Variants in HSPG2 observed in about 807,000 individuals in gnomAD.
HSPG2 encodes the protein basement membrane-specific heparan sulfate proteoglycan core protein.
HSPG2 carries 278 observed loss-of-function variants against 526.6 expected under a neutral mutation model. That is an observed-to-expected ratio of 0.53 (90% confidence interval 0.48 to 0.58). The LOEUF (loss-of-function observed/expected upper bound fraction) is 0.58, where lower values mean the gene tolerates loss of function less well. Ranked by LOEUF, HSPG2 falls within the 20% of genes least tolerant of loss-of-function variation. The pLI is 0.00. For synonymous variants in HSPG2, 2,465 were observed against 2,555.4 expected, an observed-to-expected ratio of 0.96 and a Z score of 1.07; for missense variants, 5,354 against 6,099.5, an observed-to-expected ratio of 0.88 and a Z score of 4.07.
intron 33 of HSPG2, chr1:21,868,861 A>G: frequency 2.3e-6 from 2 of 873,930 alleles, no homozygotes; most frequent in Non-Finnish European, 2.7e-6. Flanking sequence ...TGACACCCCT[A>G]TAATCCCCCC....
At chr1:21,906,226 C>T (rs965000382) in intron 1 of HSPG2, among the ~76,000 whole-genome samples, 1 of 152,242 alleles carries the variant, frequency 6.6e-6, no homozygotes, top group Non-Finnish European at 1.5e-5. Context: ...TGACAAGAGG[C>T]TGCCCATAGT....
chr1:21,876,318 T>C lies in HSPG2; in HGVS notation c.2914A>G (p.Thr972Ala). 1 of 1,613,810 alleles carries C rather than the reference T, an allele frequency of 6.2e-7. No individual in the cohort carries two copies. The highest frequency in any genetic ancestry group is 8.5e-7 in the Non-Finnish European group (1 of 1,179,938). The change falls in exon 23 of 97, where the codon ACG becomes GCG. Residue 972 changes from threonine (T) to alanine (A), a missense_variant. Thr to Ala is a moderately conservative substitution (Grantham distance 58). Coordinates refer to ENST00000374695, the MANE Select transcript of HSPG2 (RefSeq NM_005529.7). ...GAGGAGAATCCCAGTTCCCCGGGCG[T>C]GGGGGAGAAGATGCCCTCGTTGGTG... ...HTTNEGIFSPTPGELGFSSFH... is the reference protein window; with the variant it reads ...HTTNEGIFSPAPGELGFSSFH...
chr1:21,873,363 A>C lies in HSPG2; in HGVS notation c.3793+12T>G. On this transcript the variant is annotated intron_variant, in intron 30 of 96. Transcript: ENST00000374695. ...GTAACCCGACCCCAATGACCTCCCCAATCCTACTCACTCTGGCATGGCTGG... is the reference window on the plus strand; with the variant it reads ...GTAACCCGACCCCAATGACCTCCCCCATCCTACTCACTCTGGCATGGCTGG... The C allele has an allele frequency of 6.2e-7, 1 of 1,614,166 alleles. No individual in the cohort carries two copies. Among genetic ancestry groups the C allele is most frequent in the South Asian group, 1.1e-5 (1 of 91,084 alleles).
chr1:21,885,164 A>G lies in HSPG2; in HGVS notation c.1211-7T>C. ...GTCACCACCTGGGGGGGCACTGAGG[A>G]GACCAGGGCAGGAGTGAGGGGTCGG... On this transcript the variant is annotated splice_region_variant and splice_polypyrimidine_tract_variant and intron_variant, in intron 10 of 96. Coordinates refer to ENST00000374695, the MANE Select transcript of HSPG2 (RefSeq NM_005529.7). 1 of 1,606,292 alleles carries G rather than the reference A, an allele frequency of 6.2e-7. No individual in the cohort carries two copies.
At position 21,874,030 on chromosome 1, in the gene HSPG2, T is replaced by C. The variant is rs1289790929; in HGVS notation, c.3657-19A>G. The stretch of plus-strand genomic sequence containing the variant: ...GGCAGCCCTGAGTGTGGGGGCAGAT[T>C]TCTAGTCAGGAACGCAGTGGCTCCT... On this transcript the variant is annotated intron_variant, in intron 28 of 96. Transcript: ENST00000374695. 8.8e-6 allele frequency: 14 copies of C among 1,585,090 alleles called. No homozygotes were observed. Among genetic ancestry groups the C allele is most frequent in the African/African-American group, 1.3e-5 (1 of 74,538 alleles).
At chr1:21,925,627 C>T (rs943515465) in intron 1 of HSPG2, among the ~76,000 whole-genome samples, 1 of 152,128 alleles carries the variant, frequency 6.6e-6, no homozygotes, top group African/African-American at 2.4e-5. Context: ...AAAAAGACAC[C>T]CGAGTCTGTG....
intron 1 of HSPG2, among the ~76,000 whole-genome samples, chr1:21,918,029 A>G (rs1643929802): frequency 6.6e-6 from 1 of 152,082 alleles, no homozygotes; most frequent in Admixed American, 6.5e-5. Context: ...ATAAACAAAT[A>G]CTTACTATGT....
intron 1 of HSPG2, among the ~76,000 whole-genome samples, chr1:21,931,005 T>A (rs1458633639): frequency 1.3e-5 from 2 of 152,186 alleles, no homozygotes; most frequent in Non-Finnish European, 2.9e-5. Context: ...GAGCTGGTCC[T>A]AAGGCTATCT....
chr1:21,920,530 C>G (rs1220130447), intron 1 of HSPG2, among the ~76,000 whole-genome samples: 1 of 152,204 alleles, frequency 6.6e-6, no homozygotes, highest in Non-Finnish European at 1.5e-5. Context: ...CCAGTGGTTC[C>G]CCCCACATCG....
At chr1:21,922,866 C>T (rs1033603272) in intron 1 of HSPG2, among the ~76,000 whole-genome samples, 2 of 152,162 alleles carry the variant, frequency 1.3e-5, no homozygotes, top group Non-Finnish European at 2.9e-5. Context: ...TCGACCCCTA[C>T]CAGGGAGGTG....
chr1:21,830,141 A>G, intron 85 of HSPG2, 50 bp from the exon 86 acceptor site: 1 of 1,442,794 alleles, frequency 6.9e-7, no homozygotes, highest in South Asian at 1.2e-5. Context: ...CTCTGGAGGG[A>G]GGGGGGTCCT....
rs553813960 is a variant in HSPG2 at position 21,880,249 on chromosome 1, G to C, written c.2201C>G (p.Pro734Arg). 8 of 1,614,184 alleles carry C rather than the reference G, an allele frequency of 5.0e-6. 1 individual carries two copies. The East Asian group carries it at 1.8e-4, about 36-fold the overall frequency. The change falls in exon 17 of 97, where the codon CCC becomes CGC. Residue 734 changes from proline (P) to arginine (R), a missense_variant. Coordinates refer to ENST00000374695, the MANE Select transcript of HSPG2 (RefSeq NM_005529.7). ...GCAGGACAAGCCAGAATAGCCAATG[G>C]GGCATCTGTGGGGACAGGACCAAAA... ...RAHSVEECRC[P>R]IGYSGLSCES...
intron 1 of HSPG2, among the ~76,000 whole-genome samples, chr1:21,896,938 C>T (rs991653375): frequency 2.0e-5 from 3 of 152,146 alleles, no homozygotes; most frequent in East Asian, 1.9e-4. Flanking sequence ...CCCAGCAGCG[C>T]GGAGGCAGAG....
intron 1 of HSPG2, among the ~76,000 whole-genome samples, chr1:21,901,640 A>G (rs1643107534): frequency 6.6e-6 from 1 of 152,024 alleles, no homozygotes; most frequent in Admixed American, 6.5e-5. Flanking sequence ...CAAGCCTGGG[A>G]CTGAGCCCCC....
chr1:21,841,611 G>A lies in HSPG2; in HGVS notation c.9256C>T (p.His3086Tyr), dbSNP rs1557696320. The A allele has an allele frequency of 1.1e-5, 18 of 1,614,162 alleles. No individual in the cohort carries two copies. The highest frequency in any genetic ancestry group is 1.5e-5 in the Non-Finnish European group (18 of 1,180,012). The change falls in exon 70 of 97, where the codon CAC (histidine) becomes TAC (tyrosine). Residue 3086 changes from histidine to tyrosine, a missense_variant. Transcript: ENST00000374695. ...GAGGCCACGCAGCGGTAGGTACCGTGGTTGCTGGGCCGGGTGCCCACGATG... is the reference window on the plus strand; with the variant it reads ...GAGGCCACGCAGCGGTAGGTACCGTAGTTGCTGGGCCGGGTGCCCACGATG... ...ITIVGTRPSNHGTYRCVASNA... is the reference protein window; with the variant it reads ...ITIVGTRPSNYGTYRCVASNA...
intron 1 of HSPG2, among the ~76,000 whole-genome samples, chr1:21,931,379 G>A (rs1454203827): frequency 6.6e-6 from 1 of 152,262 alleles, no homozygotes; most frequent in East Asian, 1.9e-4. Context: ...GGGTGGCAGG[G>A]CCAAAGAGGC....
At chr1:21,833,439 C>T in intron 79 of HSPG2, 28 bp downstream of exon 79, 9 of 1,614,188 alleles carry the variant, frequency 5.6e-6, no homozygotes, top group Non-Finnish European at 7.6e-6. Context: ...GGGCAGGGCA[C>T]TGCCAATTCT....
At chr1:21,825,399 G>A (rs143169115) in intron 91 of HSPG2, among the ~76,000 whole-genome samples, 93 of 152,244 alleles carry the variant, frequency 6.1e-4, no homozygotes, top group African/African-American at 1.8e-3. Context: ...CCCTCAGTCC[G>A]GAGCTACTGG....
intron 71 of HSPG2, among the ~76,000 whole-genome samples, chr1:21,840,375 T>C (rs557857641): frequency 6.6e-6 from 1 of 152,290 alleles, no homozygotes; most frequent in East Asian, 1.9e-4. Context: ...GCACGATCTC[T>C]GCTCACTGAA....
Sources: allele counts gnomAD v4.1 joint callset (sites outside exome capture counted in the v4.1 genomes callset), GRCh38; gene constraint gnomAD v4.1.1; transcripts MANE v1.5; gene names NCBI Gene and HGNC (gene_info 2026-07-23, HGNC 2026-07-21).